The following PRKN variants were observed in gnomAD, a reference collection of about 807,000 sequenced individuals.
PRKN encodes the protein E3 ubiquitin-protein ligase parkin.
PRKN carries 56 observed loss-of-function variants against 59.5 expected under a neutral mutation model. That is an observed-to-expected ratio of 0.94 (90% confidence interval 0.76 to 1.18). The LOEUF is 1.18. PRKN is among the 50% of genes most tolerant of loss of function. PRKN has a pLI of 0.00. For synonymous variants in PRKN, 250 were observed against 222.1 expected, an observed-to-expected ratio of 1.13 and a Z score of -1.12; for missense variants, 657 against 596.4, an observed-to-expected ratio of 1.10 and a Z score of -1.06.
At chr6:161,643,681 G>A (rs1209138563) in intron 7 of PRKN, among the ~76,000 whole-genome samples, 2 of 152,138 alleles carry the variant, frequency 1.3e-5, no homozygotes, top group Non-Finnish European at 2.9e-5. Flanking sequence ...TAACGCATTA[G>A]ATAGAGAGGG....
At chr6:161,841,812 G>C (rs751942809) in intron 6 of PRKN, among the ~76,000 whole-genome samples, 3 of 152,152 alleles carry the variant, frequency 2.0e-5, no homozygotes, top group Non-Finnish European at 4.4e-5. Context: ...CCTACAGCAA[G>C]AATCCTATTG....
chr6:161,551,538 T>C lies in PRKN; in HGVS notation c.934-2535A>G, dbSNP rs1320650976. On this transcript the variant is annotated intron_variant, in intron 8 of 11. Transcript: ENST00000366898. This position sits in a 1 kb window ranked among gnomAD's most constrained non-coding sequence, Gnocchi z 5.2. ...GTGTCCCGAAAGCCAAGGGAACACA[T>C]CTCAAGGAGGCTGCCATGATGAGCT... Among the ~76,000 whole-genome samples, 3 of 152,072 alleles carry C rather than the reference T, an allele frequency of 2.0e-5. No individual in the cohort carries two copies. The highest frequency in any genetic ancestry group is 4.8e-5 in the African/African-American group (2 of 41,398).
At chr6:162,386,916 T>G (rs1375394537) in intron 2 of PRKN, among the ~76,000 whole-genome samples, 1 of 152,136 alleles carries the variant, frequency 6.6e-6, no homozygotes, top group Non-Finnish European at 1.5e-5. Flanking sequence ...GTCAATAAGG[T>G]AACATTGCAT....
chr6:161,400,624 C>T lies in PRKN; in HGVS notation c.1084-13747G>A, dbSNP rs534676049. Among the ~76,000 whole-genome samples, 3 of 151,998 alleles carry T rather than the reference C, an allele frequency of 2.0e-5. No homozygotes were observed. Among genetic ancestry groups the T allele is most frequent in the East Asian group, 3.9e-4 (2 of 5,162 alleles). ...CCACCACGCTCGGCCGAAAATTAAA[C>T]GTATTCTAAGACAAAGAAATTCAGA... On this transcript the variant is annotated intron_variant, in intron 9 of 11. Transcript: ENST00000366898. The surrounding 1 kb of genome is among the most constrained non-coding windows in gnomAD (Gnocchi z 4.2).
chr6:162,206,632 T>G (rs1441414454), intron 3 of PRKN, among the ~76,000 whole-genome samples: 1 of 152,044 alleles, frequency 6.6e-6, no homozygotes, highest in Admixed American at 6.5e-5. Flanking sequence ...ATGCAGGGAG[T>G]CACCTCAGTT....
rs559682657 is a variant in PRKN at position 161,628,778 on chromosome 6, C to T, written c.872-59362G>A. ...CACTCATTCATTCAACAGACAGAAT[C>T]GCGCAGGGCTACATTTGGCCCTGTG... On this transcript the variant is annotated intron_variant, in intron 7 of 11. Transcript: ENST00000366898. 2.0e-4 allele frequency among the ~76,000 whole-genome samples: 30 copies of T among 152,236 alleles called. 2 individuals are homozygous for T. The South Asian group carries it at 3.9e-3, about 20-fold the overall frequency.
At chr6:162,378,819 ATTTGGGGTCAGTT>A (rs1234777332) in intron 2 of PRKN, among the ~76,000 whole-genome samples, 1 of 152,200 alleles carries the variant, frequency 6.6e-6, no homozygotes, top group Non-Finnish European at 1.5e-5. Context: ...CTAATGGGGC[ATTTGGGGTCAGTT>A]TTAAGATGAT....
intron 7 of PRKN, among the ~76,000 whole-genome samples, chr6:161,734,831 T>C (rs888778240): frequency 2.0e-5 from 3 of 152,166 alleles, no homozygotes; most frequent in Non-Finnish European, 2.9e-5. Flanking sequence ...CCAAGTTTCA[T>C]GTGTCCCTTT....
intron 1 of PRKN, among the ~76,000 whole-genome samples, chr6:162,501,112 A>C (rs899591823): frequency 6.6e-6 from 1 of 152,084 alleles, no homozygotes; most frequent in African/African-American, 2.4e-5. Context: ...AACTATGATC[A>C]CACCTCTGTA....
chr6:162,068,555 TGTCA>T (rs1778435516), intron 4 of PRKN, among the ~76,000 whole-genome samples: 1 of 152,214 alleles, frequency 6.6e-6, no homozygotes, highest in South Asian at 2.1e-4. Flanking sequence ...TCCTTGCAGC[TGTCA>T]TTACAAGGGC....
At chr6:162,249,104 T>A (rs1779321651) in intron 3 of PRKN, among the ~76,000 whole-genome samples, 1 of 152,132 alleles carries the variant, frequency 6.6e-6, no homozygotes, top group African/African-American at 2.4e-5. Context: ...GGTCTCGATC[T>A]CTTGACCTCG....
In PRKN at chr6:161,821,287, T is replaced by C. The variant is rs553384597; in HGVS notation, c.735-35379A>G. ...AAATCTTTTAAAAATATAGGCAGAA[T>C]TAAATCTTTTTAAAATATAGGCAGA... is the stretch of plus-strand genomic sequence containing the variant. On this transcript the variant is annotated intron_variant, in intron 6 of 11. Coordinates refer to ENST00000366898, the MANE Select transcript of PRKN (RefSeq NM_004562.3). 6.6e-5 allele frequency among the ~76,000 whole-genome samples: 10 copies of C among 152,284 alleles called. No homozygotes were observed. The South Asian group carries it at 1.7e-3, about 25-fold the overall frequency.
chr6:162,413,479 TTAGA>T (rs1351473080), intron 2 of PRKN, among the ~76,000 whole-genome samples: 1 of 152,292 alleles, frequency 6.6e-6, no homozygotes, highest in East Asian at 1.9e-4. Context: ...TAGTAACTAA[TTAGA>T]TAGCAAGGTA....
chr6:162,425,921 T>C (rs1789217994), intron 2 of PRKN, among the ~76,000 whole-genome samples: 1 of 152,220 alleles, frequency 6.6e-6, no homozygotes, highest in African/African-American at 2.4e-5. Flanking sequence ...AACGCATGGA[T>C]GTGATAGCGA....
At chr6:161,891,759 A>G (rs1030855733) in intron 6 of PRKN, among the ~76,000 whole-genome samples, 1 of 152,190 alleles carries the variant, frequency 6.6e-6, no homozygotes, top group Non-Finnish European at 1.5e-5. Flanking sequence ...AAAGATGTAG[A>G]GTGTCTGAGC....
At chr6:161,786,067 A>T (rs1418402385) in intron 6 of PRKN, among the ~76,000 whole-genome samples, 159 bp from the exon 7 acceptor site, 1 of 152,242 alleles carries the variant, frequency 6.6e-6, no homozygotes, top group East Asian at 1.9e-4. Context: ...CCAACACAAC[A>T]TCTTAAAAAT....
At chr6:161,800,207 C>T (rs544256051) in intron 6 of PRKN, among the ~76,000 whole-genome samples, 5 of 151,996 alleles carry the variant, frequency 3.3e-5, no homozygotes, top group African/African-American at 1.2e-4. Context: ...AAGAGAGTGC[C>T]GTGGATCAAG....
At chr6:161,731,520 A>C (rs547097941) in intron 7 of PRKN, among the ~76,000 whole-genome samples, 1 of 152,368 alleles carries the variant, frequency 6.6e-6, no homozygotes, top group South Asian at 2.1e-4. Flanking sequence ...AAAAGTATGT[A>C]TTTTGAGTAG....
chr6:162,691,202 A>G (rs1562500207), intron 1 of PRKN, among the ~76,000 whole-genome samples: 2 of 152,198 alleles, frequency 1.3e-5, no homozygotes, highest in Admixed American at 6.5e-5. Flanking sequence ...ATCTAAATAT[A>G]TAGTTGGAAA....
Sources: gnomAD v4.1 joint callset for allele counts (sites outside exome capture counted in the v4.1 genomes callset) on GRCh38, gnomAD v4.1.1 for gene constraint, Gnocchi (gnomAD v3.1) non-coding constraint, MANE v1.5 for transcripts, NCBI Gene and HGNC (gene_info 2026-07-23, HGNC 2026-07-21) for gene names.